CUBN: variants seen among roughly 807,000 people sequenced by gnomAD.
CUBN encodes the protein 460 kDa receptor.
A neutral mutation model predicts 405.3 loss-of-function variants in CUBN; 282 were observed. That is an observed-to-expected ratio of 0.70 (90% CI 0.63 to 0.77). CUBN has a LOEUF of 0.77. Ranked by LOEUF, CUBN falls within the 30% of genes least tolerant of loss-of-function variation. The pLI, the probability that CUBN is intolerant of heterozygous loss-of-function variation, is 0.00. For missense variants in CUBN, 4,514 were observed against 4,475.2 expected (o/e 1.01, Z -0.25); for synonymous variants, 1,684 against 1,617.0 (o/e 1.04, Z -0.99).
chr10:17,128,068 C>T, intron 2 of CUBN, 144 bp from the exon 3 acceptor site: 1 of 600,388 alleles, frequency 1.7e-6, no homozygotes, highest in South Asian at 2.0e-5. Flanking sequence ...AAAACAACAC[C>T]ATGCGTAATA....
At chr10:16,979,222 G>A (rs1474310543) in intron 31 of CUBN, among the ~76,000 whole-genome samples, 6 of 152,106 alleles carry the variant, frequency 3.9e-5, no homozygotes, top group Non-Finnish European at 8.8e-5. Context: ...AACATTCCAT[G>A]CTCGTGGATA....
chr10:17,003,390 C>T (rs1833941291), intron 28 of CUBN, among the ~76,000 whole-genome samples: 1 of 152,168 alleles, frequency 6.6e-6, no homozygotes, highest in Non-Finnish European at 1.5e-5. Context: ...TGAACCTGCG[C>T]TAGAATCTTT....
At chr10:17,121,872 A>G (rs1332338878) in intron 6 of CUBN, 3 of 152,336 alleles carry the variant, frequency 2.0e-5, no homozygotes, top group Non-Finnish European at 4.4e-5. Flanking sequence ...ACTCCAGAGC[A>G]TTGAAAGGAT....
At chr10:17,047,354 A>G in intron 23 of CUBN, 60 bp downstream of exon 23, 1 of 1,356,972 alleles carries the variant, frequency 7.4e-7, no homozygotes, top group Non-Finnish European at 1.0e-6. Context: ...CTTCCTAGGA[A>G]AGATTATTAA....
At chr10:16,849,302 C>T (rs915331491) in intron 60 of CUBN, among the ~76,000 whole-genome samples, 2 of 152,150 alleles carry the variant, frequency 1.3e-5, no homozygotes, top group Non-Finnish European at 2.9e-5. Flanking sequence ...TTTTCCTGTG[C>T]CTTTTGCCTT....
chr10:17,049,663 G>C (rs1199756148), intron 22 of CUBN, among the ~76,000 whole-genome samples: 1 of 152,076 alleles, frequency 6.6e-6, no homozygotes, highest in Non-Finnish European at 1.5e-5. Flanking sequence ...TTCTTGATGT[G>C]TTCCAATGAT....
At chr10:16,900,482 T>C (rs573914964) in intron 53 of CUBN, 143 bp downstream of exon 53, 2 of 720,030 alleles carry the variant, frequency 2.8e-6, no homozygotes, top group East Asian at 2.7e-5. Flanking sequence ...TATTGTGTTA[T>C]CCCACCAGGG....
chr10:17,104,472 C>A lies in CUBN; in HGVS notation c.1364G>T (p.Ser455Ile). 1 of 1,614,036 alleles carries A rather than the reference C, an allele frequency of 6.2e-7. No homozygotes were observed. The highest frequency in any genetic ancestry group is 8.5e-7 in the Non-Finnish European group (1 of 1,180,006). ...AGTCCAGAGACGTGTGCATTCACAA[C>A]TGAAAGAATCAACGCCATCAACACA... ...GTCVDGVDSF[S>I]CECTRLWTGA... Residue 455 changes from serine to isoleucine, a missense_variant, in exon 12 of 67, where the codon AGT (serine) becomes ATT (isoleucine). By Grantham distance (142) the Ser-to-Ile change is moderately radical (BLOSUM62 -2). Coordinates refer to ENST00000377833, the MANE Select transcript of CUBN (RefSeq NM_001081.4).
chr10:16,879,785 T>C (rs1404832461), intron 56 of CUBN, among the ~76,000 whole-genome samples: 2 of 152,176 alleles, frequency 1.3e-5, no homozygotes, highest in African/African-American at 4.8e-5. Context: ...CCAATTTCCA[T>C]CGTATAAATA....
At chr10:17,052,029 A>G (rs530790584) in intron 22 of CUBN, among the ~76,000 whole-genome samples, 1 of 150,244 alleles carries the variant, frequency 6.7e-6, no homozygotes, top group South Asian at 2.1e-4. Context: ...AAACAAGGAA[A>G]ACACAGAAGC....
At chr10:17,019,608 A>AACC (rs1243099989) in intron 28 of CUBN, among the ~76,000 whole-genome samples, 1 of 152,192 alleles carries the variant, frequency 6.6e-6, no homozygotes, top group Non-Finnish European at 1.5e-5. Context: ...ACCTACAATT[A>AACC]ACCAAATTCT....
At position 16,925,301 on chromosome 10, in the gene CUBN, TA is replaced by T; in HGVS notation, c.6585del (p.Phe2195LeufsTer21). On this transcript the variant is annotated frameshift_variant, in exon 43 of 67. Transcript: ENST00000377833. LOFTEE classifies it high-confidence loss of function. ...FTSDNQMFVQ[F>X]ISDHSNEGQG... ...TGCCCTTCATTACTGTGATCAGAAA[TA>T]AACTGAACAAACATTTGATTATCCG... 1.2e-6 allele frequency: 2 copies of T among 1,613,864 alleles called. No individual in the cohort carries two copies. The highest frequency in any genetic ancestry group is 1.7e-6 in the Non-Finnish European group (2 of 1,179,834).
chr10:17,127,541 C>G (rs1358455648), intron 3 of CUBN, among the ~76,000 whole-genome samples: 2 of 150,126 alleles, frequency 1.3e-5, no homozygotes, highest in Non-Finnish European at 2.9e-5. Flanking sequence ...TCCCAAACTG[C>G]TGGGATTACA....
At chr10:17,083,526 T>A (rs576403557) in intron 17 of CUBN, among the ~76,000 whole-genome samples, 6 of 151,942 alleles carry the variant, frequency 3.9e-5, no homozygotes. Context: ...AATACATACA[T>A]ACATACATAC....
chr10:17,086,621 A>C (rs1465183813), intron 15 of CUBN, among the ~76,000 whole-genome samples: 1 of 152,184 alleles, frequency 6.6e-6, no homozygotes, highest in Non-Finnish European at 1.5e-5. Flanking sequence ...CTATGATGTA[A>C]TCATGTCAAT....
At chr10:17,092,338 T>G (rs11254366) in intron 14 of CUBN, among the ~76,000 whole-genome samples, 30,218 of 152,052 alleles carry the variant, frequency 0.2, 3,298 homozygotes, top group Middle Eastern at 0.41. Context: ...GGTCCCCTTG[T>G]AAAAGGGAGT....
chr10:16,893,590 T>C (rs143963129), intron 54 of CUBN, among the ~76,000 whole-genome samples: 85 of 152,306 alleles, frequency 5.6e-4, no homozygotes, highest in African/African-American at 1.8e-3. Flanking sequence ...AACACTATCA[T>C]TTCAAAATAT....
chr10:17,031,434 A>G (rs1161121850), intron 27 of CUBN, among the ~76,000 whole-genome samples: 1 of 152,230 alleles, frequency 6.6e-6, no homozygotes, highest in African/African-American at 2.4e-5. Flanking sequence ...AGAAAGGGAA[A>G]GTGAGGCACA....
At chr10:16,932,686 A>G (rs112732274) in intron 40 of CUBN, among the ~76,000 whole-genome samples, 1 of 152,160 alleles carries the variant, frequency 6.6e-6, no homozygotes, top group Non-Finnish European at 1.5e-5. Flanking sequence ...CGACCTCCCA[A>G]AGTGCTGGGA....
Sources: allele counts gnomAD v4.1 joint callset (sites outside exome capture counted in the v4.1 genomes callset), GRCh38; gene constraint gnomAD v4.1.1; transcripts MANE v1.5; gene names NCBI Gene and HGNC (gene_info 2026-07-23, HGNC 2026-07-21).